ADGRG6: variants seen among roughly 807,000 people sequenced by gnomAD.
ADGRG6 encodes G-protein coupled receptor 126.
ADGRG6 carries 84 observed loss-of-function variants against 142.4 expected under a neutral mutation model. The observed-to-expected ratio is 0.59, with a 90% CI of 0.49 to 0.71. ADGRG6 has a LOEUF of 0.71. ADGRG6 is among the 30% of genes least tolerant of loss of function. The pLI is 0.00. For synonymous variants in ADGRG6, 521 were observed against 520.5 expected (o/e 1.00, Z -0.01); for missense variants, 1,367 against 1,466.6 (o/e 0.93, Z 1.11).
chr6:142,346,006 C>T (rs774937530), intron 2 of ADGRG6, among the ~76,000 whole-genome samples: 4 of 152,172 alleles, frequency 2.6e-5, no homozygotes, highest in Non-Finnish European at 5.9e-5. Context: ...CTTATGTTCA[C>T]TTTAGTAATC....
At chr6:142,398,894 A>G (rs1008776629) in intron 10 of ADGRG6, among the ~76,000 whole-genome samples, 1 of 152,182 alleles carries the variant, frequency 6.6e-6, no homozygotes, top group African/African-American at 2.4e-5. Context: ...TCTGTAAACA[A>G]TAATCTCTGA....
chr6:142,443,615 C>CAT lies in ADGRG6; in HGVS notation c.*108_*109dup. 1.4e-6 allele frequency: 1 copy of CAT among 697,558 alleles called. No individual in the cohort carries two copies. The highest frequency in any genetic ancestry group is 2.8e-5 in the Admixed American group (1 of 35,504). The allele number at this position is 697,558 out of a possible 1,614,324, so 43.2% of individuals were successfully genotyped here. On this transcript the variant is annotated 3_prime_UTR_variant, in exon 25 of 25. Transcript: ENST00000367609. ...AAATGTGCTATTACCTAGGTAACTG[C>CAT]ATATATATAAGGAATGTATTTTGTT...
chr6:142,323,952 AT>A (rs1289910659), intron 2 of ADGRG6, among the ~76,000 whole-genome samples: 1 of 152,026 alleles, frequency 6.6e-6, no homozygotes, highest in Non-Finnish European at 1.5e-5. Flanking sequence ...CTGGCTGATT[AT>A]GAGAGCTTCT....
chr6:142,405,505 T>A (rs1775755270), intron 14 of ADGRG6, 183 bp from the exon 15 acceptor site: 2 of 676,658 alleles, frequency 3.0e-6, no homozygotes, highest in South Asian at 3.1e-5. Flanking sequence ...CCAAATGAGA[T>A]CTACAGCTCT....
At chr6:142,435,203 C>A (rs1338219947) in intron 22 of ADGRG6, among the ~76,000 whole-genome samples, 2 of 152,108 alleles carry the variant, frequency 1.3e-5, no homozygotes, top group South Asian at 2.1e-4. Flanking sequence ...GGATTGCCTA[C>A]CTGGTTCACC....
chr6:142,366,778 A>G (rs961280240), intron 2 of ADGRG6, among the ~76,000 whole-genome samples: 5 of 150,564 alleles, frequency 3.3e-5, no homozygotes, highest in African/African-American at 1.2e-4. Flanking sequence ...AGATTCCTTT[A>G]TAGAGAGATT....
At chr6:142,335,011 C>T (rs1193641068) in intron 2 of ADGRG6, among the ~76,000 whole-genome samples, 1 of 152,108 alleles carries the variant, frequency 6.6e-6, no homozygotes, top group East Asian at 1.9e-4. Flanking sequence ...AAAAGCATGT[C>T]TAGAAAGAGT....
chr6:142,425,741 A>T (rs1282184524), intron 22 of ADGRG6, among the ~76,000 whole-genome samples: 1 of 152,142 alleles, frequency 6.6e-6, no homozygotes, highest in East Asian at 1.9e-4. Context: ...CATATACCAG[A>T]GACTGGGCAA....
At chr6:142,374,039 C>T (rs1365079670) in intron 4 of ADGRG6, among the ~76,000 whole-genome samples, 2 of 151,916 alleles carry the variant, frequency 1.3e-5, no homozygotes, top group African/African-American at 4.8e-5. Flanking sequence ...GGAACACAGC[C>T]ATGCCCATTA....
chr6:142,347,616 A>G (rs1029943120), intron 2 of ADGRG6, among the ~76,000 whole-genome samples: 8 of 152,104 alleles, frequency 5.3e-5, no homozygotes, highest in Admixed American at 1.3e-4. Context: ...GGCCCAGTAC[A>G]GTACTTGGGT....
rs1405418885 is a variant in ADGRG6, at chr6:142,367,585, C to T, written c.120C>T (p.Asn40=). The T allele has an allele frequency of 1.2e-6, 2 of 1,613,340 alleles. No homozygotes were observed. The highest frequency in any genetic ancestry group is 3.3e-5 in the Admixed American group (2 of 59,956). ...GGCCAGCAGTGTGGGGATGTGCCAA[C>T]TGCCGAGTGGTTTTGTCCAACCCTT... ...CVPHSVWGCA[N]CRVVLSNPSG... Residue 40 remains asparagine, a synonymous_variant, in exon 3 of 25, where the codon AAC becomes AAT. Transcript: ENST00000367609.
intron 22 of ADGRG6, among the ~76,000 whole-genome samples, chr6:142,421,587 G>A (rs540085749): frequency 4.6e-5 from 7 of 152,236 alleles, no homozygotes; most frequent in African/African-American, 1.4e-4. Flanking sequence ...TTTCAGGATT[G>A]TATATAAAAG....
chr6:142,318,713 C>A (rs1778369012), intron 2 of ADGRG6, among the ~76,000 whole-genome samples: 2 of 151,660 alleles, frequency 1.3e-5, no homozygotes, highest in Non-Finnish European at 2.9e-5. Context: ...GAAGGGGGAT[C>A]TGGGCAGAGA....
intron 2 of ADGRG6, among the ~76,000 whole-genome samples, chr6:142,343,817 A>T (rs140711377): frequency 6.6e-6 from 1 of 152,062 alleles, no homozygotes; most frequent in East Asian, 1.9e-4. Flanking sequence ...AAGTGTGTGA[A>T]TTATCTGGCA....
Position 142,302,243 on chromosome 6 carries a change from C to A in ADGRG6, c.-87C>A. ...GCGCAGGGCTGGGGCGCCTGGGTTC[C>A]CCCTGGGTGGAGCAGCGGCAGCAGA... is the stretch of plus-strand genomic sequence containing the variant. On this transcript the variant is annotated 5_prime_UTR_variant, in exon 1 of 25. Transcript: ENST00000367609. The A allele has an allele frequency of 1.3e-6, 2 of 1,531,028 alleles. No homozygotes were observed. Among genetic ancestry groups the A allele is most frequent in the South Asian group, 2.4e-5 (2 of 83,290 alleles). The allele number at this position is 1,531,028 out of a possible 1,614,324, so 94.8% of individuals were successfully genotyped here.
intron 2 of ADGRG6, among the ~76,000 whole-genome samples, chr6:142,352,340 A>T (rs1238414911): frequency 6.6e-6 from 1 of 152,220 alleles, no homozygotes; most frequent in African/African-American, 2.4e-5. Flanking sequence ...GGAGGCCATT[A>T]TCCTAAGTGA....
intron 2 of ADGRG6, among the ~76,000 whole-genome samples, chr6:142,329,639 G>A (rs1475354428): frequency 2.0e-5 from 3 of 152,030 alleles, no homozygotes; most frequent in Admixed American, 2.0e-4. Context: ...TGTAGAAAAA[G>A]CTCCCATCAT....
chr6:142,349,560 A>G (rs1200416149), intron 2 of ADGRG6, among the ~76,000 whole-genome samples: 1 of 152,216 alleles, frequency 6.6e-6, no homozygotes, highest in African/African-American at 2.4e-5. Flanking sequence ...GGGTACTGTC[A>G]CTGGCTGTTA....
chr6:142,359,744 A>C (rs1054517116), intron 2 of ADGRG6, among the ~76,000 whole-genome samples: 1 of 152,214 alleles, frequency 6.6e-6, no homozygotes, highest in South Asian at 2.1e-4. Context: ...TGTCAGGCAG[A>C]TAAATGTTTA....
Sources: gnomAD v4.1 joint callset for allele counts (sites outside exome capture counted in the v4.1 genomes callset) on GRCh38, gnomAD v4.1.1 for gene constraint, MANE v1.5 for transcripts, NCBI Gene and HGNC (gene_info 2026-07-23, HGNC 2026-07-21) for gene names.